RANBP2: variants seen among roughly 807,000 people sequenced by gnomAD.
RANBP2 encodes RAN binding protein 2, also known as E3 SUMO-protein ligase RanBP2.
In RANBP2, 57 loss-of-function variants were observed where a neutral mutation model predicts 303.6. The ratio of observed to expected loss-of-function variants is 0.19; its 90% CI spans 0.15 to 0.23. The LOEUF (loss-of-function observed/expected upper bound fraction) is 0.23, where lower values mean the gene tolerates loss of function less well. Among genes scored for constraint, RANBP2 ranks in the 10% least tolerant of loss-of-function variants. The probability of loss-of-function intolerance (pLI) is 1.00; values close to 1 mark genes in which losing one functional copy is unlikely to be tolerated. For synonymous variants in RANBP2, 1,167 were observed against 1,301.5 expected, an observed-to-expected ratio of 0.90 and a Z score of 2.23; for missense variants, 3,138 against 3,780.8, an observed-to-expected ratio of 0.83 and a Z score of 4.46.
At chr2:109,548,689 T>C in the RANBP2 span, among the ~76,000 whole-genome samples, 2 of 141,100 alleles carry the variant, frequency 1.4e-5, no homozygotes, top group African/African-American at 2.6e-5. Context: ...GACAGGAGAA[T>C]TGCCTGAAGC....
chr2:109,083,139 T>C, the RANBP2 span, among the ~76,000 whole-genome samples: 4 of 152,242 alleles, frequency 2.6e-5, no homozygotes, highest in East Asian at 7.7e-4. Flanking sequence ...ACCCCATCTC[T>C]TAAAGAAAAT....
downstream of RANBP2, chr2:108,787,890 G>T (rs909983019): frequency 8.4e-6 from 6 of 712,076 alleles, no homozygotes; most frequent in Non-Finnish European, 1.1e-5. Context: ...GATGATATTA[G>T]TTTTGATCAC....
the RANBP2 span, among the ~76,000 whole-genome samples, chr2:109,509,972 T>G: frequency 6.6e-6 from 1 of 152,120 alleles, no homozygotes; most frequent in African/African-American, 2.4e-5. Flanking sequence ...CAGGAAACTC[T>G]TATCTAGTTG....
chr2:108,795,260 T>C, the RANBP2 span, among the ~76,000 whole-genome samples: 5 of 149,184 alleles, frequency 3.4e-5, no homozygotes, highest in Non-Finnish European at 1.5e-5. Context: ...GTTCCAGTGA[T>C]TCTCCTGCCT....
At chr2:109,512,008 A>G in the RANBP2 span, among the ~76,000 whole-genome samples, 5 of 152,238 alleles carry the variant, frequency 3.3e-5, no homozygotes, top group East Asian at 7.8e-4. Flanking sequence ...CCCAAGTGGG[A>G]GTTGAGCTGA....
At chr2:109,495,477 C>CCT in the RANBP2 span, among the ~76,000 whole-genome samples, 1 of 94,240 alleles carries the variant, frequency 1.1e-5, no homozygotes, top group African/African-American at 4.6e-5. Context: ...TCTTTCATTC[C>CCT]TTTTTTTTTT....
chr2:108,782,931 G>T, intron 28 of RANBP2, 69 bp downstream of exon 28: 1 of 1,401,556 alleles, frequency 7.1e-7, no homozygotes, highest in Non-Finnish European at 1.0e-6. Flanking sequence ...GGAAATTTGA[G>T]TGTTTTTCCT....
the RANBP2 span, among the ~76,000 whole-genome samples, chr2:109,064,042 GA>G: frequency 6.6e-6 from 1 of 152,200 alleles, no homozygotes; most frequent in Non-Finnish European, 1.5e-5. Flanking sequence ...GCTTACACGA[GA>G]AGAGATACTA....
At chr2:109,727,869 T>A in the RANBP2 span, among the ~76,000 whole-genome samples, 5 of 152,196 alleles carry the variant, frequency 3.3e-5, no homozygotes, top group African/African-American at 1.2e-4. Flanking sequence ...TAAAGATGTC[T>A]ACAATGTCTA....
chr2:108,800,524 C>G, the RANBP2 span, among the ~76,000 whole-genome samples: 1 of 151,702 alleles, frequency 6.6e-6, no homozygotes, highest in Non-Finnish European at 1.5e-5. Context: ...CTCGCCCTCC[C>G]AAAGTGCTGG....
rs1677709476 is a variant in RANBP2 at position 108,774,166 on chromosome 2, G to C, written c.8292+1120G>C. Among the ~76,000 whole-genome samples the C allele has an allele frequency of 2.0e-5, 3 of 152,160 alleles. 1 individual carries two copies. The South Asian group carries it at 6.2e-4, about 31-fold the overall frequency. On this transcript the variant is annotated intron_variant, in intron 23 of 28. Coordinates refer to ENST00000283195, the MANE Select transcript of RANBP2 (RefSeq NM_006267.5). ...TTCAGAAAACTAACTTTGCATTCCA[G>C]CGTAAACCTCACTTGGTCATGGTAC...
chr2:109,550,944 T>C, the RANBP2 span, among the ~76,000 whole-genome samples: 6 of 152,186 alleles, frequency 3.9e-5, no homozygotes, highest in Non-Finnish European at 8.8e-5. Context: ...TTCCAAGATA[T>C]AGACAGACAT....
At chr2:109,390,457 G>T in the RANBP2 span, among the ~76,000 whole-genome samples, 1 of 152,120 alleles carries the variant, frequency 6.6e-6, no homozygotes, top group African/African-American at 2.4e-5. Flanking sequence ...TTTAGTCCTG[G>T]AATCTTCCTT....
chr2:108,858,788 T>G, the RANBP2 span, among the ~76,000 whole-genome samples: 2 of 152,108 alleles, frequency 1.3e-5, no homozygotes, highest in Non-Finnish European at 2.9e-5. Flanking sequence ...GGGCTTCAAC[T>G]GAACTCGTCA....
chr2:109,614,640 C>G, the RANBP2 span: 5 of 1,467,120 alleles, frequency 3.4e-6, no homozygotes, highest in Non-Finnish European at 2.7e-6. Context: ...GCAGCGCGCC[C>G]GCGCCCGCGC....
downstream of RANBP2, chr2:108,786,620 T>C: frequency 1.7e-6 from 1 of 595,132 alleles, no homozygotes; most frequent in Non-Finnish European, 3.0e-6. Flanking sequence ...AGTTACGAGG[T>C]GTGTAGTGCT....
At chr2:108,928,113 C>T in the RANBP2 span, among the ~76,000 whole-genome samples, 1 of 152,108 alleles carries the variant, frequency 6.6e-6, no homozygotes, top group African/African-American at 2.4e-5. Flanking sequence ...AGCCTGGTTC[C>T]ATCTGCTCCC....
At chr2:108,900,780 A>G in the RANBP2 span, among the ~76,000 whole-genome samples, 1 of 152,208 alleles carries the variant, frequency 6.6e-6, no homozygotes, top group Non-Finnish European at 1.5e-5. Flanking sequence ...GTTAAAGTAG[A>G]CTTCAGAGGA....
the RANBP2 span, among the ~76,000 whole-genome samples, chr2:109,092,117 G>C: frequency 6.6e-6 from 1 of 152,146 alleles, no homozygotes; most frequent in Non-Finnish European, 1.5e-5. Context: ...TCTCATTTTT[G>C]TGTGTGTCTG....
Sources: gnomAD v4.1 joint callset for allele counts (sites outside exome capture counted in the v4.1 genomes callset) on GRCh38, gnomAD v4.1.1 for gene constraint, MANE v1.5 for transcripts, NCBI Gene and HGNC (gene_info 2026-07-23, HGNC 2026-07-21) for gene names.